The following PDE8A variants were observed in gnomAD, a reference collection of about 807,000 sequenced individuals.
The protein encoded by PDE8A is phosphodiesterase 8A.
A neutral mutation model predicts 105.0 loss-of-function variants in PDE8A; 59 were observed. The ratio of observed to expected loss-of-function variants is 0.56; its 90% CI spans 0.46 to 0.70. The LOEUF (loss-of-function observed/expected upper bound fraction) is 0.70, where lower values mean the gene tolerates loss of function less well. Among genes scored for constraint, PDE8A ranks in the 30% least tolerant of loss-of-function variants. The probability of loss-of-function intolerance (pLI) is 0.00; values close to 1 mark genes in which losing one functional copy is unlikely to be tolerated. For missense variants in PDE8A, 1,014 were observed against 1,045.9 expected (o/e 0.97, Z 0.42); for synonymous variants, 355 against 371.9 (o/e 0.95, Z 0.52).
chr15:85,127,614 T>C (rs891966524), intron 20 of PDE8A, among the ~76,000 whole-genome samples: 1 of 152,164 alleles, frequency 6.6e-6, no homozygotes, highest in African/African-American at 2.4e-5. Context: ...AAAAATTTAA[T>C]AAGAGATGAC....
rs759521705 is a variant in PDE8A at position 85,129,156 on chromosome 15, T to A, written c.2253+2782T>A. Among the ~76,000 whole-genome samples the A allele has an allele frequency of 3.6e-4, 55 of 152,332 alleles. 1 individual carries two copies. Among genetic ancestry groups the A allele is most frequent in the Non-Finnish European group, 6.6e-4 (45 of 68,016 alleles). On this transcript the variant is annotated intron_variant, in intron 20 of 21. Coordinates refer to ENST00000394553, the MANE Select transcript of PDE8A (RefSeq NM_002605.3). ...TAATATGCTGCTGAGTTTGGATTGC[T>A]AGTATTTTATTAAGGATTTGTGCAT...
chr15:85,082,192 C>A (rs1469880307), intron 5 of PDE8A, among the ~76,000 whole-genome samples: 1 of 152,000 alleles, frequency 6.6e-6, no homozygotes, highest in Non-Finnish European at 1.5e-5. Flanking sequence ...CTCCTCCCTT[C>A]TCAGTCGGTG....
Position 85,137,933 on chromosome 15 carries a change from T to C in PDE8A, c.*30T>C. ...AGACACCACCCAGAGCCCTGAAGCT[T>C]TGTTCCTTCGGTCATTTGGAATTCC... On this transcript the variant is annotated 3_prime_UTR_variant, in exon 22 of 22. Coordinates refer to ENST00000394553, the MANE Select transcript of PDE8A (RefSeq NM_002605.3). 1.4e-6 allele frequency: 2 copies of C among 1,387,488 alleles called. No homozygotes were observed. The highest frequency in any genetic ancestry group is 2.1e-6 in the Non-Finnish European group (2 of 974,942). The allele number at this position is 1,387,488 out of a possible 1,614,324, so 85.9% of individuals were successfully genotyped here. A position where few individuals can be genotyped will look rare whatever the true frequency, so the allele number is the denominator to read the frequency against.
chr15:85,083,833 G>A (rs1027657805), intron 6 of PDE8A, among the ~76,000 whole-genome samples, 189 bp downstream of exon 6: 8 of 152,170 alleles, frequency 5.3e-5, no homozygotes, highest in African/African-American at 1.9e-4. Flanking sequence ...TCATTTTAGT[G>A]ATTAGAGACT....
intron 1 of PDE8A, among the ~76,000 whole-genome samples, chr15:85,050,458 T>C (rs867237676): frequency 5.1e-4 from 77 of 152,218 alleles, no homozygotes; most frequent in African/African-American, 1.8e-3. Flanking sequence ...GTCTTACATT[T>C]AGGTCTTCAA....
intron 1 of PDE8A, among the ~76,000 whole-genome samples, chr15:84,993,399 C>T (rs1013209121): frequency 1.0e-4 from 15 of 145,028 alleles, no homozygotes; most frequent in Middle Eastern, 3.7e-3. Context: ...GCCGAAATCG[C>T]GCCACTGCAG....
intron 1 of PDE8A, among the ~76,000 whole-genome samples, chr15:85,009,671 C>T (rs1004650544): frequency 1.3e-5 from 2 of 152,172 alleles, no homozygotes; most frequent in Non-Finnish European, 2.9e-5. Context: ...AAACAAATGT[C>T]ACATGCTGTT....
intron 1 of PDE8A, among the ~76,000 whole-genome samples, chr15:85,008,106 T>A (rs1440429731): frequency 1.3e-5 from 2 of 152,016 alleles, no homozygotes; most frequent in African/African-American, 4.8e-5. Context: ...CTGTGTGTTA[T>A]GAGCCTCAGG....
intron 7 of PDE8A, chr15:85,090,842 T>C (rs1316849411): frequency 1.6e-6 from 1 of 640,958 alleles, no homozygotes; most frequent in South Asian, 1.5e-5. Flanking sequence ...CAGCCGGGTA[T>C]CACCCAAGCA....
At chr15:85,069,251 A>G (rs1297891940) in intron 3 of PDE8A, among the ~76,000 whole-genome samples, 1 of 152,230 alleles carries the variant, frequency 6.6e-6, no homozygotes, top group Non-Finnish European at 1.5e-5. Context: ...TTGCTTTAAT[A>G]TATGGTTTTA....
chr15:85,036,820 T>C (rs535684768), intron 1 of PDE8A, among the ~76,000 whole-genome samples: 1 of 152,086 alleles, frequency 6.6e-6, no homozygotes, highest in South Asian at 2.1e-4. Flanking sequence ...GCTTTAAACA[T>C]CCATCAGGCC....
chr15:85,082,920 G>A (rs2081490265), intron 5 of PDE8A, among the ~76,000 whole-genome samples: 2 of 152,206 alleles, frequency 1.3e-5, no homozygotes, highest in South Asian at 4.1e-4. Flanking sequence ...TTTCCACTAT[G>A]TAAAGGTTAT....
chr15:85,055,268 G>A, intron 1 of PDE8A, among the ~76,000 whole-genome samples: 1 of 152,212 alleles, frequency 6.6e-6, no homozygotes, highest in Non-Finnish European at 1.5e-5. Context: ...ATGTGGTGGT[G>A]AGAAGAATGT....
At chr15:85,020,141 A>T (rs1395299705) in intron 1 of PDE8A, among the ~76,000 whole-genome samples, 2 of 151,932 alleles carry the variant, frequency 1.3e-5, no homozygotes, top group Non-Finnish European at 2.9e-5. Context: ...GGCAAATAAT[A>T]GGTATTCTTT....
At chr15:85,079,884 G>T (rs574795265) in intron 5 of PDE8A, among the ~76,000 whole-genome samples, 76 of 152,080 alleles carry the variant, frequency 5.0e-4, no homozygotes, top group South Asian at 1.0e-3. Flanking sequence ...CTGCACTCCA[G>T]CCTGCACAGT....
chr15:85,098,740 C>T (rs142205511), intron 9 of PDE8A, among the ~76,000 whole-genome samples: 29 of 152,100 alleles, frequency 1.9e-4, no homozygotes, highest in African/African-American at 7.0e-4. Flanking sequence ...TGGGAAAATC[C>T]CTTGAGCCCA....
At chr15:85,087,199 G>C (rs2081568315) in intron 6 of PDE8A, among the ~76,000 whole-genome samples, 1 of 151,350 alleles carries the variant, frequency 6.6e-6, no homozygotes, top group African/African-American at 2.4e-5. Context: ...TAAAGGCATT[G>C]TTTTTTTTAT....
At chr15:85,044,552 A>G (rs2080859519) in intron 1 of PDE8A, among the ~76,000 whole-genome samples, 1 of 152,236 alleles carries the variant, frequency 6.6e-6, no homozygotes, top group Non-Finnish European at 1.5e-5. Context: ...CCACAATGAT[A>G]GAAAACTGCA....
At chr15:85,099,956 G>T (rs113056126) in intron 9 of PDE8A, 59 bp from the exon 10 acceptor site, 2 of 1,378,960 alleles carry the variant, frequency 1.5e-6, no homozygotes, top group South Asian at 2.5e-5. Context: ...AAAAATTAAC[G>T]ACATATCCAT....
Sources: allele counts gnomAD v4.1 joint callset (sites outside exome capture counted in the v4.1 genomes callset), GRCh38; gene constraint gnomAD v4.1.1; transcripts MANE v1.5; gene names NCBI Gene and HGNC (gene_info 2026-07-23, HGNC 2026-07-21).